Variants in ZNG1A observed in about 807,000 individuals in gnomAD.
The protein encoded by ZNG1A is Zn regulated GTPase metalloprotein activator 1A.
the ZNG1A span, among the ~76,000 whole-genome samples, chr9:139,810 A>G: frequency 0.045 from 6,836 of 151,526 alleles, 175 homozygotes; most frequent in African/African-American, 0.069. Context: ...TGCGTGCACC[A>G]TCCGCGAGCC....
the ZNG1A span, among the ~76,000 whole-genome samples, chr9:159,270 A>C: frequency 1.1e-4 from 16 of 149,242 alleles, no homozygotes; most frequent in East Asian, 2.7e-3. Context: ...AACTTACCAC[A>C]AGAAACAAAG....
At chr9:120,869 G>C in the ZNG1A span, among the ~76,000 whole-genome samples, 1 of 152,180 alleles carries the variant, frequency 6.6e-6, no homozygotes, top group Admixed American at 6.5e-5. Flanking sequence ...TAATCATGTA[G>C]ACCACTCCCA....
chr9:137,605 C>G, the ZNG1A span, among the ~76,000 whole-genome samples: 1 of 151,302 alleles, frequency 6.6e-6, no homozygotes, highest in African/African-American at 2.4e-5. Context: ...AAAGGATCAT[C>G]GAGAGAAAAG....
chr9:135,451 C>A, the ZNG1A span, among the ~76,000 whole-genome samples: 55,232 of 78,432 alleles, frequency 0.7, 20,049 homozygotes, highest in African/African-American at 0.8. Flanking sequence ...AAGAAAGTTG[C>A]AAGGATAAAT....
the ZNG1A span, among the ~76,000 whole-genome samples, chr9:158,539 T>C: frequency 2.8e-3 from 418 of 150,934 alleles, 2 homozygotes; most frequent in Non-Finnish European, 5.0e-3. Context: ...AGATTTATTT[T>C]TGCATTTCCA....
chr9:144,908 AAAG>A, the ZNG1A span, among the ~76,000 whole-genome samples: 2 of 151,728 alleles, frequency 1.3e-5, no homozygotes, highest in African/African-American at 4.9e-5. Context: ...ACACTTCTCA[AAAG>A]AAGACATTTA....
At chr9:170,302 C>G in the ZNG1A span, among the ~76,000 whole-genome samples, 1 of 151,230 alleles carries the variant, frequency 6.6e-6, no homozygotes, top group East Asian at 1.9e-4. Flanking sequence ...GTAGCACTGG[C>G]ATAGAGAGAT....
chr9:142,412 G>A, the ZNG1A span, among the ~76,000 whole-genome samples: 1 of 112,272 alleles, frequency 8.9e-6, no homozygotes, highest in Non-Finnish European at 1.7e-5. Context: ...TCAACTACAT[G>A]GAAACTGAAC....
At chr9:177,487 G>A in the ZNG1A span, among the ~76,000 whole-genome samples, 2 of 151,192 alleles carry the variant, frequency 1.3e-5, no homozygotes, top group Non-Finnish European at 3.0e-5. Context: ...AATTACACAG[G>A]TGTGTAGCTA....
At chr9:124,830 T>C in the ZNG1A span, among the ~76,000 whole-genome samples, 1 of 145,558 alleles carries the variant, frequency 6.9e-6, no homozygotes, top group East Asian at 2.0e-4. Flanking sequence ...CCTGAGTTCT[T>C]TCACTTAGAA....
chr9:142,174 G>C, the ZNG1A span, among the ~76,000 whole-genome samples: 1 of 148,516 alleles, frequency 6.7e-6, no homozygotes, highest in East Asian at 2.0e-4. Flanking sequence ...ATTGAACTCA[G>C]CTCTGCACCA....
At chr9:174,813 T>C in the ZNG1A span, among the ~76,000 whole-genome samples, 5 of 151,164 alleles carry the variant, frequency 3.3e-5, no homozygotes, top group East Asian at 5.8e-4. Context: ...GAAAAACTTC[T>C]ATAAAGATAA....
At chr9:170,916 G>A in the ZNG1A span, among the ~76,000 whole-genome samples, 6 of 141,964 alleles carry the variant, frequency 4.2e-5, no homozygotes, top group East Asian at 2.0e-4. Context: ...AAGCTGAATC[G>A]TGTTTAATTA....
chr9:162,704 A>G, the ZNG1A span, among the ~76,000 whole-genome samples: 1 of 150,996 alleles, frequency 6.6e-6, no homozygotes, highest in Non-Finnish European at 1.5e-5. Flanking sequence ...AAACGATATA[A>G]AACAAATAAA....
the ZNG1A span, chr9:154,532 T>C: frequency 1.8e-5 from 11 of 599,492 alleles, no homozygotes; most frequent in African/African-American, 1.9e-4. Flanking sequence ...TGGGGACTAA[T>C]TTTATGTATT....
chr9:157,187 T>C, the ZNG1A span, among the ~76,000 whole-genome samples: 1 of 138,832 alleles, frequency 7.2e-6, no homozygotes, highest in East Asian at 2.1e-4. Context: ...TTTATTTTAC[T>C]GACCTCTCCA....
chr9:139,343 T>C, the ZNG1A span, among the ~76,000 whole-genome samples: 3 of 148,466 alleles, frequency 2.0e-5, no homozygotes, highest in African/African-American at 7.7e-5. Flanking sequence ...TGTAGAATGG[T>C]GGATGCCAGG....
At chr9:121,501 G>A in the ZNG1A span, 1 of 1,611,350 alleles carries the variant, frequency 6.2e-7, no homozygotes, top group Non-Finnish European at 8.5e-7. Flanking sequence ...GAAACGTGTT[G>A]TCCACTGCTT....
chr9:140,635 TCTC>T, the ZNG1A span, among the ~76,000 whole-genome samples: 10 of 151,738 alleles, frequency 6.6e-5, no homozygotes, highest in Admixed American at 3.3e-4. Context: ...ACGCAGCGCC[TCTC>T]CTCCTCCAAA....
Sources: allele counts gnomAD v4.1 joint callset (sites outside exome capture counted in the v4.1 genomes callset), GRCh38; gene constraint gnomAD v4.1.1; transcripts MANE v1.5; gene names NCBI Gene and HGNC (gene_info 2026-07-23, HGNC 2026-07-21).